OR2L3: variants seen among roughly 807,000 people sequenced by gnomAD.
OR2L3 encodes the protein olfactory receptor family 2 subfamily L member 3, also known as olfactory receptor 2L3.
For synonymous variants in OR2L3, 131 were observed against 139.1 expected, an observed-to-expected ratio of 0.94 and a Z score of 0.41; for missense variants, 369 against 376.6, an observed-to-expected ratio of 0.98 and a Z score of 0.17.
rs192532820 is a variant in OR2L3 at position 248,054,263 on chromosome 1, G to T, written c.-21-6398G>T. ...TTTCCAGTTTGTTGAAGATCAGATG[G>T]TTGTAGATGTGCAGTTTTATTTCTG... On this transcript the variant is annotated intron_variant, in intron 1 of 1. Coordinates refer to ENST00000359959, the MANE Select transcript of OR2L3 (RefSeq NM_001004687.2). Among the ~76,000 whole-genome samples the T allele has an allele frequency of 3.2e-3, 494 of 152,206 alleles. 1 individual carries two copies. The highest frequency in any genetic ancestry group is 0.024 in the Middle Eastern group (7 of 294).
chr1:248,047,638 G>T (rs557819546), intron 1 of OR2L3, among the ~76,000 whole-genome samples: 3 of 152,202 alleles, frequency 2.0e-5, no homozygotes, highest in South Asian at 4.1e-4. Flanking sequence ...TTTCTTTCGG[G>T]ACACAAGGTA....
Position 248,061,255 on chromosome 1 carries a change from TG to T in OR2L3, c.577del (p.Val193SerfsTer8). 6.2e-7 allele frequency: 1 copy of T among 1,610,554 alleles called. No individual in the cohort carries two copies. The highest frequency in any genetic ancestry group is 1.1e-5 in the South Asian group (1 of 91,016). On this transcript the variant is annotated frameshift_variant, in exon 2 of 2. Transcript: ENST00000359959. LOFTEE classifies it low-confidence loss of function (END_TRUNC). The part of the protein sequence containing the change: ...AMVTLACMDT[W>X]VYEGTVFLST... Reference sequence around the variant, plus strand: ...GGTGACTCTGGCCTGCATGGACACCTGGGTCTATGAGGGCACAGTGTTTTTG... The same window carrying T: ...GGTGACTCTGGCCTGCATGGACACCTGGTCTATGAGGGCACAGTGTTTTTG...
intron 1 of OR2L3, among the ~76,000 whole-genome samples, chr1:248,053,787 C>A (rs557480339): frequency 2.0e-5 from 3 of 152,016 alleles, no homozygotes; most frequent in East Asian, 1.9e-4. Flanking sequence ...ATGTCCTTTG[C>A]GCAATTTTAA....
At chr1:248,049,404 C>T (rs568570653) in intron 1 of OR2L3, among the ~76,000 whole-genome samples, 9 of 152,254 alleles carry the variant, frequency 5.9e-5, no homozygotes, top group South Asian at 4.1e-4. Flanking sequence ...TTTGGAGAGT[C>T]GTAAATATTA....
rs1310123422 is a variant in OR2L3, at chr1:248,056,653, T to C, written c.-21-4008T>C. On this transcript the variant is annotated intron_variant, in intron 1 of 1. Coordinates refer to ENST00000359959, the MANE Select transcript of OR2L3 (RefSeq NM_001004687.2). ...AGCAGGTTGTTCTATTTCCCTGTAG[T>C]TGTGTGGTTTTGAGGGGGCTTTTTT... 2.1e-5 allele frequency among the ~76,000 whole-genome samples: 3 copies of C among 144,650 alleles called. No individual in the cohort carries two copies. The Admixed American group carries it at 2.3e-4, about 11-fold the overall frequency. The allele number at this position is 144,650 out of a possible 152,430, so 94.9% of individuals were successfully genotyped here. A position where few individuals can be genotyped will look rare whatever the true frequency, so the allele number is the denominator to read the frequency against.
intron 1 of OR2L3, among the ~76,000 whole-genome samples, chr1:248,048,593 C>T (rs950387666): frequency 1.3e-5 from 2 of 152,076 alleles, no homozygotes; most frequent in African/African-American, 2.4e-5. Flanking sequence ...CAGGTACAGA[C>T]AGCTTGTTTT....
At chr1:248,057,441 G>A (rs574793087) in intron 1 of OR2L3, among the ~76,000 whole-genome samples, 3 of 152,250 alleles carry the variant, frequency 2.0e-5, no homozygotes, top group Admixed American at 6.5e-5. Flanking sequence ...TGTTTTGTCA[G>A]AAACTAGGAT....
rs112276794 is a variant in OR2L3 at position 248,047,857 on chromosome 1, T to C, written c.-22+977T>C. Among the ~76,000 whole-genome samples, 1,477 of 152,288 alleles carry C rather than the reference T, an allele frequency of 9.7e-3. 15 individuals carry two copies. The highest frequency in any genetic ancestry group is 0.033 in the African/African-American group (1,385 of 41,536). On this transcript the variant is annotated intron_variant, in intron 1 of 1. Transcript: ENST00000359959. ...AGATGCTGAAACTTGCAGGTTCTCT[T>C]CAGTGATACACCCAGTCAAGTAATA...
rs547622581 is a variant in OR2L3 at position 248,062,629 on chromosome 1, G to T, written c.*1009G>T. On this transcript the variant is annotated 3_prime_UTR_variant, in exon 2 of 2. Transcript: ENST00000359959. ...GCTAATAGTTGCAAAAATATAATTA[G>T]ATAGAATGAATAAGAGTATTTGATA... 6.6e-6 allele frequency: 1 copy of T among 152,294 alleles called. No homozygotes were observed. Among genetic ancestry groups the T allele is most frequent in the Admixed American group, 6.5e-5 (1 of 15,286 alleles). 9.4% of individuals were successfully genotyped at this position (152,294 alleles called of 1,614,324 possible).
At chr1:248,054,748 T>C (rs560667553) in intron 1 of OR2L3, among the ~76,000 whole-genome samples, 11 of 152,358 alleles carry the variant, frequency 7.2e-5, no homozygotes, top group Admixed American at 6.5e-4. Context: ...TGCCTGTCTG[T>C]TGCTGGAGTG....
intron 1 of OR2L3, among the ~76,000 whole-genome samples, chr1:248,053,788 G>T (rs572839012): frequency 6.6e-6 from 1 of 151,832 alleles, no homozygotes; most frequent in African/African-American, 2.4e-5. Context: ...TGTCCTTTGC[G>T]CAATTTTAAT....
rs545208984 is a variant in OR2L3, at chr1:248,061,119, G to T, written c.438G>T (p.Gly146=). 2 of 1,613,838 alleles carry T rather than the reference G, an allele frequency of 1.2e-6. No individual in the cohort carries two copies. The highest frequency in any genetic ancestry group is 1.7e-6 in the Non-Finnish European group (2 of 1,179,952). Reference sequence around the variant, plus strand: ...GAATGTGTGTGCTGATGATAACAGGGTCTTGGATCATAGGCTCGATCAATG... The same window carrying T: ...GAATGTGTGTGCTGATGATAACAGGTTCTTGGATCATAGGCTCGATCAATG... ...SKRMCVLMIT[G]SWIIGSINAC... The change falls in exon 2 of 2, where the codon GGG becomes GGT. Residue 146 remains glycine, a synonymous_variant. Coordinates refer to ENST00000359959, the MANE Select transcript of OR2L3 (RefSeq NM_001004687.2).
intron 1 of OR2L3, among the ~76,000 whole-genome samples, chr1:248,058,659 A>C (rs1227872591): frequency 6.6e-6 from 1 of 150,596 alleles, no homozygotes; most frequent in Non-Finnish European, 1.5e-5. Context: ...AATATTTTTC[A>C]GGAAAGTATT....
chr1:248,060,678 C>A lies in OR2L3; in HGVS notation c.-4C>A. The A allele has an allele frequency of 1.9e-6, 3 of 1,607,242 alleles. 1 individual carries two copies. In the South Asian group the frequency reaches 3.3e-5, roughly 18 times the overall value. On this transcript the variant is annotated 5_prime_UTR_variant, in exon 2 of 2. Coordinates refer to ENST00000359959, the MANE Select transcript of OR2L3 (RefSeq NM_001004687.2). ...CCCTTCAGGAAAGAGCACACGAATG[C>A]CCCATGGAAAATTACAATCAAACAT...
At chr1:248,048,612 A>C (rs1229908957) in intron 1 of OR2L3, among the ~76,000 whole-genome samples, 1 of 152,166 alleles carries the variant, frequency 6.6e-6, no homozygotes, top group Non-Finnish European at 1.5e-5. Flanking sequence ...TTAAGGAATT[A>C]AGGTTGACTC....
intron 1 of OR2L3, among the ~76,000 whole-genome samples, chr1:248,051,736 A>T (rs1037989463): frequency 4.6e-5 from 7 of 152,120 alleles, no homozygotes; most frequent in African/African-American, 1.7e-4. Context: ...ATAAAAAAAA[A>T]TCCAAAAATG....
intron 1 of OR2L3, among the ~76,000 whole-genome samples, chr1:248,049,670 CCTA>C (rs1165475326): frequency 6.6e-6 from 1 of 152,058 alleles, no homozygotes; most frequent in Non-Finnish European, 1.5e-5. Context: ...ATTAAAAAAT[CCTA>C]CTTGTTTTAC....
At chr1:248,057,926 T>G (rs1380159811) in intron 1 of OR2L3, among the ~76,000 whole-genome samples, 3 of 152,190 alleles carry the variant, frequency 2.0e-5, no homozygotes, top group Non-Finnish European at 4.4e-5. Context: ...AGAAATAATT[T>G]TAGTTCTTTC....
intron 1 of OR2L3, among the ~76,000 whole-genome samples, chr1:248,053,280 G>T (rs895527925): frequency 6.6e-6 from 1 of 152,138 alleles, no homozygotes; most frequent in African/African-American, 2.4e-5. Context: ...CAAAGGACAT[G>T]ATCTTATTAT....
Sources: allele counts gnomAD v4.1 joint callset (sites outside exome capture counted in the v4.1 genomes callset), GRCh38; gene constraint gnomAD v4.1.1; transcripts MANE v1.5; gene names NCBI Gene and HGNC (gene_info 2026-07-23, HGNC 2026-07-21).